STAC: variants seen among roughly 807,000 people sequenced by gnomAD.
STAC encodes the protein SH3 and cysteine rich domain, also known as SH3 and cysteine-rich domain-containing protein.
Under a neutral mutation model 48.8 loss-of-function variants are expected in STAC, and 43 were observed. The ratio of observed to expected loss-of-function variants is 0.88; its 90% confidence interval spans 0.69 to 1.14. STAC has a LOEUF of 1.14. STAC is among the 50% of genes most tolerant of loss of function. STAC has a pLI of 0.00. For synonymous variants in STAC, 193 were observed against 179.5 expected (o/e 1.07, Z -0.60); for missense variants, 497 against 504.0 (o/e 0.99, Z 0.13).
chr3:36,467,744 C>T (rs548765394), intron 2 of STAC, among the ~76,000 whole-genome samples: 1 of 152,118 alleles, frequency 6.6e-6, no homozygotes, highest in East Asian at 1.9e-4. Flanking sequence ...TGGCTAATCT[C>T]GCTAATGCTC....
chr3:36,490,639 G>C (rs754444432), intron 5 of STAC, among the ~76,000 whole-genome samples: 4 of 152,098 alleles, frequency 2.6e-5, no homozygotes, highest in Non-Finnish European at 2.9e-5. Flanking sequence ...ACGAGCAGTA[G>C]ATGGCTGCTC....
chr3:36,520,459 T>C (rs79665490), intron 8 of STAC, among the ~76,000 whole-genome samples: 17,050 of 152,208 alleles, frequency 0.11, 1,145 homozygotes, highest in Non-Finnish European at 0.15. Context: ...CAGGTCTGCA[T>C]TGGCTTTCTG....
At chr3:36,498,870 A>G (rs1391662998) in intron 6 of STAC, among the ~76,000 whole-genome samples, 1 of 152,248 alleles carries the variant, frequency 6.6e-6, no homozygotes, top group African/African-American at 2.4e-5. Context: ...ATCTATACCT[A>G]GACGTAGGTT....
intron 8 of STAC, among the ~76,000 whole-genome samples, chr3:36,518,407 T>C (rs182817245): frequency 7.0e-4 from 106 of 152,196 alleles, no homozygotes; most frequent in African/African-American, 2.3e-3. Context: ...TGGCCATTTT[T>C]CATAAGGGTA....
At chr3:36,397,313 T>A (rs1392658476) in intron 1 of STAC, among the ~76,000 whole-genome samples, 2 of 152,194 alleles carry the variant, frequency 1.3e-5, no homozygotes, top group Non-Finnish European at 2.9e-5. Context: ...TTTTTGCTGG[T>A]TGCTTAATGT....
At chr3:36,460,485 C>T (rs547346422) in intron 2 of STAC, among the ~76,000 whole-genome samples, 1 of 152,074 alleles carries the variant, frequency 6.6e-6, no homozygotes, top group African/African-American at 2.4e-5. Context: ...TCTAATTGAA[C>T]TTTCTGTATT....
chr3:36,398,054 G>A (rs1699889785), intron 1 of STAC, among the ~76,000 whole-genome samples: 1 of 152,010 alleles, frequency 6.6e-6, no homozygotes, highest in African/African-American at 2.4e-5. Context: ...CTCTCAATTG[G>A]ACCTTCACTG....
intron 1 of STAC, among the ~76,000 whole-genome samples, chr3:36,436,830 G>A (rs901776405): frequency 1.3e-5 from 2 of 152,108 alleles, no homozygotes; most frequent in Non-Finnish European, 2.9e-5. Context: ...CCATCAGAGT[G>A]AACAGGCAAC....
At chr3:36,499,261 A>G (rs999011982) in intron 6 of STAC, among the ~76,000 whole-genome samples, 47 of 152,350 alleles carry the variant, frequency 3.1e-4, no homozygotes, top group Non-Finnish European at 5.9e-5. Flanking sequence ...CTAAGCAAAC[A>G]CTGGACACAT....
intron 1 of STAC, among the ~76,000 whole-genome samples, chr3:36,391,338 C>T (rs1699747889): frequency 6.6e-6 from 1 of 152,144 alleles, no homozygotes; most frequent in Admixed American, 6.5e-5. Context: ...TCACCCGCAG[C>T]CCTTCTCATG....
chr3:36,411,506 G>C (rs1371370656), intron 1 of STAC, among the ~76,000 whole-genome samples: 2 of 152,160 alleles, frequency 1.3e-5, no homozygotes, highest in Non-Finnish European at 2.9e-5. Context: ...AAAATGACCA[G>C]GATCAAAGAG....
At chr3:36,463,980 C>T (rs74512240) in intron 2 of STAC, among the ~76,000 whole-genome samples, 18,307 of 151,920 alleles carry the variant, frequency 0.12, 1,300 homozygotes, top group East Asian at 0.31. Flanking sequence ...AGTAAACATA[C>T]GTGTGCATGT....
intron 1 of STAC, among the ~76,000 whole-genome samples, chr3:36,390,455 T>TC (rs971284749): frequency 1.5e-5 from 2 of 135,922 alleles, no homozygotes; most frequent in African/African-American, 6.4e-5. Context: ...TCTTTTCTTT[T>TC]TTTTTTTTTT....
chr3:36,545,787 A>G (rs918995299), intron 10 of STAC, among the ~76,000 whole-genome samples: 1 of 152,164 alleles, frequency 6.6e-6, no homozygotes, highest in African/African-American at 2.4e-5. Context: ...ACATGACAGG[A>G]GTCTGCTGAA....
intron 6 of STAC, among the ~76,000 whole-genome samples, chr3:36,500,534 A>G (rs537067611): frequency 1.3e-5 from 2 of 152,246 alleles, no homozygotes; most frequent in South Asian, 4.1e-4. Flanking sequence ...TAGATACAGC[A>G]AACCACCATG....
chr3:36,534,796 A>G (rs935358100), intron 10 of STAC, among the ~76,000 whole-genome samples: 1 of 151,432 alleles, frequency 6.6e-6, no homozygotes, highest in Non-Finnish European at 1.5e-5. Context: ...CTCCCAATCA[A>G]CTGGGACCAC....
chr3:36,478,173 T>C (rs1697542440), intron 2 of STAC, among the ~76,000 whole-genome samples: 1 of 152,210 alleles, frequency 6.6e-6, no homozygotes. Context: ...GCAACACCCT[T>C]TGTTTCTTTC....
At chr3:36,507,995 C>T (rs951591693) in intron 8 of STAC, among the ~76,000 whole-genome samples, 1 of 152,080 alleles carries the variant, frequency 6.6e-6, no homozygotes, top group East Asian at 1.9e-4. Context: ...TTCTCTAGTT[C>T]TTTTAATTGT....
chr3:36,469,746 G>A (rs1199274135), intron 2 of STAC, among the ~76,000 whole-genome samples: 1 of 152,004 alleles, frequency 6.6e-6, no homozygotes, highest in African/African-American at 2.4e-5. Flanking sequence ...AAACTTCTTG[G>A]AGTCTTTGTT....
Sources: gnomAD v4.1 joint callset for allele counts (sites outside exome capture counted in the v4.1 genomes callset) on GRCh38, gnomAD v4.1.1 for gene constraint, MANE v1.5 for transcripts, NCBI Gene and HGNC (gene_info 2026-07-23, HGNC 2026-07-21) for gene names.